TM9SF2: variants seen among roughly 807,000 people sequenced by gnomAD.
TM9SF2 encodes the protein 76 kDa membrane protein.
Under a neutral mutation model 84.9 loss-of-function variants are expected in TM9SF2, and 13 were observed. That is an observed-to-expected ratio of 0.15 (90% confidence interval 0.10 to 0.24). The LOEUF is 0.24. Ranked by LOEUF, TM9SF2 falls within the 10% of genes least tolerant of loss-of-function variation. The pLI, the probability that TM9SF2 is intolerant of heterozygous loss-of-function variation, is 1.00. For missense variants in TM9SF2, 562 were observed against 818.5 expected (o/e 0.69, Z 3.82); for synonymous variants, 273 against 285.8 (o/e 0.96, Z 0.45).
At chr13:99,514,899 T>C (rs1050438552) in intron 1 of TM9SF2, among the ~76,000 whole-genome samples, 1 of 152,184 alleles carries the variant, frequency 6.6e-6, no homozygotes. Context: ...TTGAATCTTC[T>C]CAAAAACTTC....
At chr13:99,511,828 G>A (rs1326943381) in intron 1 of TM9SF2, among the ~76,000 whole-genome samples, 2 of 152,140 alleles carry the variant, frequency 1.3e-5, no homozygotes, top group Non-Finnish European at 2.9e-5. Flanking sequence ...AAAAGTAGAG[G>A]AATAAAAGCA....
intron 16 of TM9SF2, among the ~76,000 whole-genome samples, chr13:99,560,843 G>A (rs1487912108): frequency 2.6e-5 from 4 of 151,888 alleles, no homozygotes; most frequent in South Asian, 2.1e-4. Flanking sequence ...CACTGCGCCC[G>A]GCTAATTTTT....
chr13:99,536,819 A>G (rs1741008229), intron 5 of TM9SF2, 82 bp downstream of exon 5: 3 of 1,497,870 alleles, frequency 2.0e-6, no homozygotes, highest in Non-Finnish European at 2.7e-6. Context: ...AAAAATTGTT[A>G]TATTCATTGA....
chr13:99,546,362 A>T (rs879257587), intron 10 of TM9SF2, among the ~76,000 whole-genome samples: 48 of 152,292 alleles, frequency 3.2e-4, no homozygotes, highest in Non-Finnish European at 4.4e-4. Context: ...TAGCATTTTA[A>T]TTCTCATTAG....
chr13:99,551,797 C>A (rs905621162), intron 12 of TM9SF2, among the ~76,000 whole-genome samples: 2 of 152,194 alleles, frequency 1.3e-5, no homozygotes, highest in Middle Eastern at 3.4e-3. Context: ...CAAATGAAAA[C>A]CAAGCAGTGG....
At chr13:99,519,594 G>A (rs1199397189) in intron 2 of TM9SF2, 1 of 157,724 alleles carries the variant, frequency 6.3e-6, no homozygotes, top group Non-Finnish European at 1.4e-5. Context: ...ATATTGGGAT[G>A]TGTTGGCAAG....
At chr13:99,503,908 TA>T (rs2046078139) in intron 1 of TM9SF2, among the ~76,000 whole-genome samples, 1 of 152,136 alleles carries the variant, frequency 6.6e-6, no homozygotes, top group South Asian at 2.1e-4. Context: ...TTCATAGGTA[TA>T]GGGATAAAAC....
At chr13:99,517,065 A>G (rs777818828) in intron 1 of TM9SF2, among the ~76,000 whole-genome samples, 1 of 152,064 alleles carries the variant, frequency 6.6e-6, no homozygotes, top group Non-Finnish European at 1.5e-5. Context: ...TTTAAAAACT[A>G]TTGGAGACAT....
chr13:99,552,537 A>C (rs1224191772), intron 13 of TM9SF2, among the ~76,000 whole-genome samples: 2 of 152,244 alleles, frequency 1.3e-5, no homozygotes, highest in Non-Finnish European at 2.9e-5. Context: ...TTTTAAGTGA[A>C]TAGAAGCTAA....
At chr13:99,522,489 C>T (rs866678720) in intron 3 of TM9SF2, among the ~76,000 whole-genome samples, 3 of 152,200 alleles carry the variant, frequency 2.0e-5, no homozygotes, top group Non-Finnish European at 2.9e-5. Flanking sequence ...ATGTAACTTG[C>T]GAAACACCTC....
At chr13:99,509,210 G>A (rs908542926) in intron 1 of TM9SF2, among the ~76,000 whole-genome samples, 1 of 152,198 alleles carries the variant, frequency 6.6e-6, no homozygotes, top group African/African-American at 2.4e-5. Context: ...GTTCTCACAG[G>A]TTGTTCAGTG....
intron 4 of TM9SF2, among the ~76,000 whole-genome samples, chr13:99,533,364 A>G (rs1050969003): frequency 1.3e-5 from 2 of 152,204 alleles, no homozygotes; most frequent in Non-Finnish European, 2.9e-5. Context: ...TACTATGCAT[A>G]TGGAGGTATA....
At chr13:99,531,642 G>C (rs2046210479) in intron 4 of TM9SF2, among the ~76,000 whole-genome samples, 3 of 152,146 alleles carry the variant, frequency 2.0e-5, no homozygotes. Flanking sequence ...GTGTAGGCTA[G>C]TGGGGCTCTG....
rs186120589 is a variant in TM9SF2 at position 99,545,778 on chromosome 13, G to A, written c.1151-1207G>A. 7.0e-4 allele frequency among the ~76,000 whole-genome samples: 106 copies of A among 152,204 alleles called. No individual in the cohort carries two copies. The East Asian group carries it at 0.013, about 19-fold the overall frequency. On this transcript the variant is annotated intron_variant, in intron 10 of 16. Coordinates refer to ENST00000376387, the MANE Select transcript of TM9SF2 (RefSeq NM_004800.3). ...GACACGGTTTCACCATGTTGTCCAG[G>A]ATGGTCTCAATCTCTCAACCTCGTG...
At position 99,557,101 on chromosome 13, in the gene TM9SF2, A is replaced by C. The variant is rs1173184542; in HGVS notation, c.1752+1454A>C. Among the ~76,000 whole-genome samples, 4 of 152,150 alleles carry C rather than the reference A, an allele frequency of 2.6e-5. No individual in the cohort carries two copies. In the South Asian group the frequency reaches 6.2e-4, roughly 24 times the overall value. On this transcript the variant is annotated intron_variant, in intron 15 of 16. Transcript: ENST00000376387. ...GTAGTTCTGTTCAATTTTTTGAGGA[A>C]CTACCAAACTTTTCCACAGTGGTTG...
intron 3 of TM9SF2, among the ~76,000 whole-genome samples, chr13:99,526,105 C>G (rs1237430566): frequency 2.0e-5 from 3 of 152,134 alleles, no homozygotes; most frequent in East Asian, 3.9e-4. Context: ...GCTCCTGATT[C>G]CTCAGTGAAG....
intron 10 of TM9SF2, among the ~76,000 whole-genome samples, chr13:99,545,807 C>T (rs1269494132): frequency 6.6e-6 from 1 of 152,090 alleles, no homozygotes; most frequent in Non-Finnish European, 1.5e-5. Context: ...CCTCGTGATC[C>T]GCCCGCCTCG....
chr13:99,501,808 A>G (rs372263177), intron 1 of TM9SF2, 31 bp downstream of exon 1: 2 of 1,589,756 alleles, frequency 1.3e-6, no homozygotes, highest in African/African-American at 2.7e-5. Context: ...CCTCTGATGC[A>G]CTGTTGGAAG....
At chr13:99,557,546 T>C (rs555822167) in intron 15 of TM9SF2, among the ~76,000 whole-genome samples, 3 of 152,300 alleles carry the variant, frequency 2.0e-5, no homozygotes, top group Admixed American at 1.3e-4. Context: ...TGTTTTTTTT[T>C]CTTCCGTTGC....
Sources: gnomAD v4.1 joint callset for allele counts (sites outside exome capture counted in the v4.1 genomes callset) on GRCh38, gnomAD v4.1.1 for gene constraint, MANE v1.5 for transcripts, NCBI Gene and HGNC (gene_info 2026-07-23, HGNC 2026-07-21) for gene names.